The following MAGI1 variants were observed in gnomAD, a reference collection of about 807,000 sequenced individuals.
MAGI1 encodes the protein membrane-associated guanylate kinase, WW and PDZ domain-containing protein 1.
A neutral mutation model predicts 139.9 loss-of-function variants in MAGI1; 58 were observed. The observed-to-expected ratio is 0.41, with a 90% CI of 0.34 to 0.52. The LOEUF is 0.52. Ranked by LOEUF, MAGI1 falls within the 20% of genes least tolerant of loss-of-function variation. The pLI is 0.12. For synonymous variants in MAGI1, 812 were observed against 737.9 expected (o/e 1.10, Z -1.63); for missense variants, 1,874 against 1,901.6 (o/e 0.99, Z 0.27).
chr3:65,714,037 C>T, intron 1 of MAGI1, among the ~76,000 whole-genome samples: 1 of 152,160 alleles, frequency 6.6e-6, no homozygotes, highest in Non-Finnish European at 1.5e-5. Context: ...TCAGAGCAGG[C>T]AATGTTGCTT....
chr3:65,814,575 C>T lies in MAGI1; in HGVS notation c.314-192487G>A, dbSNP rs560271737. Among the ~76,000 whole-genome samples the T allele has an allele frequency of 4.6e-5, 7 of 152,176 alleles. No individual in the cohort carries two copies. In the East Asian group the frequency reaches 1.4e-3, roughly 29 times the overall value. ...AACTACATAATTTGGATTTTTTGTT[C>T]TGTTTTGTTTTGTTTTTCAGCTAAG... is the stretch of plus-strand genomic sequence containing the variant. On this transcript the variant is annotated intron_variant, in intron 1 of 22. Coordinates refer to ENST00000402939, the MANE Select transcript of MAGI1 (RefSeq NM_001033057.2).
chr3:65,492,991 T>C (rs981051230), intron 3 of MAGI1, among the ~76,000 whole-genome samples: 21 of 146,978 alleles, frequency 1.4e-4, no homozygotes, highest in Admixed American at 3.5e-4. Context: ...CGCAGGAGAA[T>C]GGCATGAACC....
chr3:65,699,560 A>G (rs2089453285), intron 1 of MAGI1, among the ~76,000 whole-genome samples: 1 of 147,176 alleles, frequency 6.8e-6, no homozygotes, highest in Non-Finnish European at 1.5e-5. Flanking sequence ...AAAAATGATG[A>G]GTTCATGTCC....
chr3:65,400,421 G>A (rs1318227991), intron 13 of MAGI1, among the ~76,000 whole-genome samples: 2 of 152,098 alleles, frequency 1.3e-5, no homozygotes, highest in African/African-American at 4.8e-5. Context: ...CAGCTGCAGC[G>A]CCGTAAGCCG....
At chr3:65,374,313 C>CTTTTTTTTT (rs3072933) in intron 18 of MAGI1, among the ~76,000 whole-genome samples, 3 of 95,106 alleles carry the variant, frequency 3.2e-5, no homozygotes, top group African/African-American at 4.2e-5. Context: ...ATCAACTTAA[C>CTTTTTTTTT]TTTTTTTTTT....
chr3:65,628,085 G>T (rs2084083105), intron 1 of MAGI1, among the ~76,000 whole-genome samples: 1 of 151,956 alleles, frequency 6.6e-6, no homozygotes, highest in Non-Finnish European at 1.5e-5. Context: ...AATGTGTGGG[G>T]TTTTTCCCTC....
At chr3:65,524,932 A>G (rs2078318604) in intron 2 of MAGI1, among the ~76,000 whole-genome samples, 1 of 152,160 alleles carries the variant, frequency 6.6e-6, no homozygotes, top group African/African-American at 2.4e-5. Context: ...GGTACCCTTT[A>G]GATCAAATAC....
rs183466656 is a variant in MAGI1, at chr3:66,038,337, T to C, written c.-29A>G. 1.2e-5 allele frequency: 18 copies of C among 1,516,910 alleles called. No homozygotes were observed. The highest frequency in any genetic ancestry group is 1.5e-5 in the Non-Finnish European group (17 of 1,134,304). The allele number at this position is 1,516,910 out of a possible 1,614,324, so 94.0% of individuals were successfully genotyped here. A position where few individuals can be genotyped will look rare whatever the true frequency, so the allele number is the denominator to read the frequency against. On this transcript the variant is annotated 5_prime_UTR_variant, in exon 1 of 23. Transcript: ENST00000402939. The stretch of plus-strand genomic sequence containing the variant: ...GAGTTACACCCCTCCTCCAAAAAAA[T>C]AAAACGAGAGACAGGTGCCCCCCAC...
intron 1 of MAGI1, among the ~76,000 whole-genome samples, chr3:66,010,593 T>G (rs2067275429): frequency 6.6e-6 from 1 of 152,202 alleles, no homozygotes; most frequent in Non-Finnish European, 1.5e-5. Context: ...TACACCATTA[T>G]AATGAAACGA....
At chr3:65,874,787 A>C (rs916493326) in intron 1 of MAGI1, 2 of 152,486 alleles carry the variant, frequency 1.3e-5, no homozygotes, top group Non-Finnish European at 2.9e-5. Flanking sequence ...ACATATGTTC[A>C]CACAAAAACC....
At chr3:65,878,897 T>C (rs2060221396) in intron 1 of MAGI1, among the ~76,000 whole-genome samples, 1 of 152,090 alleles carries the variant, frequency 6.6e-6, no homozygotes, top group Admixed American at 6.5e-5. Context: ...GAGGTGAGTA[T>C]GGTTTTCTGC....
chr3:65,787,185 TA>T (rs2108045941), intron 1 of MAGI1, among the ~76,000 whole-genome samples: 1 of 152,242 alleles, frequency 6.6e-6, no homozygotes, highest in African/African-American at 2.4e-5. Context: ...CAACAAAAGT[TA>T]GGCATGGAAA....
At chr3:65,741,102 A>G (rs1002050814) in intron 1 of MAGI1, among the ~76,000 whole-genome samples, 3 of 152,132 alleles carry the variant, frequency 2.0e-5, no homozygotes, top group Non-Finnish European at 4.4e-5. Flanking sequence ...ATCAAAGACT[A>G]TGGTTATGAC....
At chr3:65,670,721 A>G (rs2086804193) in intron 1 of MAGI1, among the ~76,000 whole-genome samples, 1 of 152,070 alleles carries the variant, frequency 6.6e-6, no homozygotes, top group Admixed American at 6.5e-5. Context: ...TTCCCCGGGA[A>G]CCTCAGTGGT....
chr3:65,427,164 C>A (rs552259775), intron 12 of MAGI1, among the ~76,000 whole-genome samples: 181 of 152,064 alleles, frequency 1.2e-3, no homozygotes, highest in South Asian at 4.2e-3. Flanking sequence ...ATACAAAAAT[C>A]AGCCGGGAGT....
At chr3:65,437,770 G>C (rs1276192833) in intron 9 of MAGI1, among the ~76,000 whole-genome samples, 7 of 152,172 alleles carry the variant, frequency 4.6e-5, no homozygotes, top group African/African-American at 1.7e-4. Flanking sequence ...CTCACAGTGA[G>C]TGACCCTTGA....
intron 12 of MAGI1, among the ~76,000 whole-genome samples, chr3:65,412,820 G>A (rs1031188499): frequency 3.3e-5 from 5 of 152,118 alleles, no homozygotes; most frequent in African/African-American, 4.8e-5. Context: ...ACAAGGTTCC[G>A]CTGTGCCACC....
At chr3:65,527,194 C>G (rs1261620955) in intron 2 of MAGI1, among the ~76,000 whole-genome samples, 1 of 152,210 alleles carries the variant, frequency 6.6e-6, no homozygotes, top group Non-Finnish European at 1.5e-5. Flanking sequence ...AAAGACCCAG[C>G]CCTTAACACT....
intron 1 of MAGI1, among the ~76,000 whole-genome samples, chr3:65,797,142 T>A (rs2040198188): frequency 6.6e-6 from 1 of 152,172 alleles, no homozygotes; most frequent in Non-Finnish European, 1.5e-5. Flanking sequence ...TGGAAAAAAA[T>A]ATTAAAGTCC....
Sources: gnomAD v4.1 joint callset for allele counts (sites outside exome capture counted in the v4.1 genomes callset) on GRCh38, gnomAD v4.1.1 for gene constraint, MANE v1.5 for transcripts, NCBI Gene and HGNC (gene_info 2026-07-23, HGNC 2026-07-21) for gene names.